Variants in DNAH1 observed in about 807,000 individuals in gnomAD.
The protein encoded by DNAH1 is axonemal beta dynein heavy chain 1.
A neutral mutation model predicts 484.3 loss-of-function variants in DNAH1; 327 were observed. That is an observed-to-expected ratio of 0.68 (90% CI 0.62 to 0.74). The LOEUF is 0.74. Ranked by LOEUF, DNAH1 falls within the 30% of genes least tolerant of loss-of-function variation. The pLI, the probability that DNAH1 is intolerant of heterozygous loss-of-function variation, is 0.00. For missense variants in DNAH1, 5,052 were observed against 5,546.8 expected (o/e 0.91, Z 2.83); for synonymous variants, 2,192 against 2,191.9 (o/e 1.00, Z 0.00).
Position 52,358,828 on chromosome 3 carries a change from G to C in DNAH1, c.4266+91G>C. 1 of 1,511,328 alleles carries C rather than the reference G, an allele frequency of 6.6e-7. No individual in the cohort carries two copies. The highest frequency in any genetic ancestry group is 9.0e-7 in the Non-Finnish European group (1 of 1,114,114). 93.6% of individuals were successfully genotyped at this position (1,511,328 alleles called of 1,614,324 possible). On this transcript the variant is annotated intron_variant, in intron 25 of 77. Transcript: ENST00000420323. The surrounding 1 kb of genome is among the most constrained non-coding windows in gnomAD (Gnocchi z 4.2). ...CCTGCTCTAGCCGGCCTCGTCCTCA[G>C]GCTGCAGCCCTGAGGTCCCTGGGGG...
rs772117741 is a variant in DNAH1 at position 52,394,632 on chromosome 3, G to A, written c.10794G>A (p.Arg3598=). ...SDFVKHLSEF[R]VIFDSLEPHR... is the part of the protein sequence containing the mutation. Reference sequence around the variant, plus strand: ...TCGTGAAGCACCTCTCAGAATTCCGGGTCATCTTCGACAGCCTTGAGCCCC... The same window carrying A: ...TCGTGAAGCACCTCTCAGAATTCCGAGTCATCTTCGACAGCCTTGAGCCCC... Residue 3598 remains arginine (R), a synonymous_variant, in exon 67 of 78, where the codon CGG becomes CGA. Transcript: ENST00000420323. 1 of 1,586,226 alleles carries A rather than the reference G, an allele frequency of 6.3e-7. No individual in the cohort carries two copies. The highest frequency in any genetic ancestry group is 1.2e-5 in the South Asian group (1 of 86,018).
chr3:52,385,066 C>A (rs1323746811), intron 53 of DNAH1, 89 bp downstream of exon 53: 1 of 1,428,480 alleles, frequency 7.0e-7, no homozygotes, highest in Non-Finnish European at 9.4e-7. Flanking sequence ...CACCATGCTC[C>A]GCCTTTCAAA....
At chr3:52,389,029 C>G (rs1704248075) in intron 59 of DNAH1, 92 bp downstream of exon 59, 4 of 1,407,152 alleles carry the variant, frequency 2.8e-6, no homozygotes, top group Non-Finnish European at 3.8e-6. Context: ...AGGCAGCCTG[C>G]AGGTGGCTCT....
rs765500661 is a variant in DNAH1 at position 52,384,820 on chromosome 3, C to G, written c.8357C>G (p.Ser2786Cys). 6 of 1,606,420 alleles carry G rather than the reference C, an allele frequency of 3.7e-6. No individual in the cohort carries two copies. Among genetic ancestry groups the G allele is most frequent in the Non-Finnish European group, 5.1e-6 (6 of 1,176,358 alleles). Residue 2786 changes from serine to cysteine, a missense_variant, in exon 53 of 78, where the codon TCC (serine) becomes TGC (cysteine). Coordinates refer to ENST00000420323, the MANE Select transcript of DNAH1 (RefSeq NM_015512.5). ...QVCVYIHQSV[S>C]KKCIEYLAEL... The stretch of plus-strand genomic sequence containing the variant: ...TGTGTGTACATCCACCAGTCGGTGT[C>G]CAAGAAGTGCATCGAGTACCTGGCA...
At chr3:52,341,830 G>T (rs1016128825) in intron 8 of DNAH1, among the ~76,000 whole-genome samples, 2 of 152,138 alleles carry the variant, frequency 1.3e-5, no homozygotes, top group East Asian at 3.9e-4. Flanking sequence ...GGAGGGAGTG[G>T]ATGTCAGGCC....
Position 52,378,766 on chromosome 3 carries a change from C to T in DNAH1, c.7363C>T (p.Pro2455Ser). The T allele has an allele frequency of 6.2e-7, 1 of 1,613,668 alleles. No homozygotes were observed. Among genetic ancestry groups the T allele is most frequent in the Non-Finnish European group, 8.5e-7 (1 of 1,179,878 alleles). ...CTTCCAAGGCATGCTCATGGCTGAC[C>T]CGGCCAAGGTCGAGGTGAGGACCAG... ...KVFQGMLMAD[P>S]AKVEDQVQLL... Residue 2455 changes from proline to serine, a missense_variant, in exon 47 of 78, where the codon CCG (proline) becomes TCG (serine). Around this residue, in one of 4 missense-constraint regions of DNAH1, gnomAD observed 2,929 missense variants for 3,409.4 expected, o/e 0.86. Transcript: ENST00000420323.
intron 46 of DNAH1, 125 bp downstream of exon 46, chr3:52,376,118 GGGCCA>G: frequency 8.3e-7 from 1 of 1,202,050 alleles, no homozygotes; most frequent in Non-Finnish European, 1.2e-6. Context: ...CAGGGACCTT[GGGCCA>G]CTAGGGTGCC....
rs542671468 is a variant in DNAH1, at chr3:52,348,063, T to C, written c.2106+89T>C. 24 of 1,365,028 alleles carry C rather than the reference T, an allele frequency of 1.8e-5. No homozygotes were observed. The East Asian group carries it at 4.3e-4, about 24-fold the overall frequency. The allele number at this position is 1,365,028 out of a possible 1,614,324, so 84.6% of individuals were successfully genotyped here. Reference sequence around the variant, plus strand: ...GCTCAGGGTGCTGCCACAGTTCAACTGTATCACAGGCCTCCTGTCGGGCAG... The same window carrying C: ...GCTCAGGGTGCTGCCACAGTTCAACCGTATCACAGGCCTCCTGTCGGGCAG... On this transcript the variant is annotated intron_variant, in intron 12 of 77. Transcript: ENST00000420323.
intron 8 of DNAH1, among the ~76,000 whole-genome samples, chr3:52,336,190 C>A (rs1029815657): frequency 2.0e-5 from 3 of 152,240 alleles, no homozygotes; most frequent in African/African-American, 7.2e-5. Context: ...TTCCCAAGGC[C>A]AACATCCAGA....
intron 59 of DNAH1, among the ~76,000 whole-genome samples, chr3:52,389,222 C>A (rs980226049): frequency 1.3e-5 from 2 of 152,252 alleles, no homozygotes; most frequent in African/African-American, 4.8e-5. Context: ...CACCTGTGTC[C>A]CATTTAATCC....
intron 73 of DNAH1, among the ~76,000 whole-genome samples, 188 bp downstream of exon 73, chr3:52,397,232 G>A (rs1704677795): frequency 1.3e-5 from 2 of 152,098 alleles, no homozygotes. Context: ...GCCCACTGGG[G>A]CTTGCCTCTG....
At chr3:52,391,765 C>G (rs921547336) in intron 63 of DNAH1, among the ~76,000 whole-genome samples, 162 bp downstream of exon 63, 1 of 152,200 alleles carries the variant, frequency 6.6e-6, no homozygotes, top group Non-Finnish European at 1.5e-5. Flanking sequence ...TCTAGCACTT[C>G]CACCAGCTCC....
chr3:52,353,351 C>A lies in DNAH1; in HGVS notation c.3227-29C>A. On this transcript the variant is annotated intron_variant, in intron 19 of 77. Coordinates refer to ENST00000420323, the MANE Select transcript of DNAH1 (RefSeq NM_015512.5). The surrounding 1 kb of genome is among the most constrained non-coding windows in gnomAD (Gnocchi z 5.0). ...CCTCCTCCCTGCCTCTGCCGCCTGC[C>A]TCTCATGCGTTTCTGTCTTACCCGG... is the stretch of plus-strand genomic sequence containing the variant. 6.2e-7 allele frequency: 1 copy of A among 1,608,478 alleles called. No individual in the cohort carries two copies. Among genetic ancestry groups the A allele is most frequent in the Non-Finnish European group, 8.5e-7 (1 of 1,175,904 alleles).
chr3:52,323,069 T>C (rs1701208607), intron 2 of DNAH1, among the ~76,000 whole-genome samples: 1 of 152,142 alleles, frequency 6.6e-6, no homozygotes, highest in African/African-American at 2.4e-5. Context: ...GACGCCCACG[T>C]CCCTATTGTC....
At chr3:52,329,560 G>A (rs566207073) in intron 6 of DNAH1, among the ~76,000 whole-genome samples, 1 of 152,218 alleles carries the variant, frequency 6.6e-6, no homozygotes, top group African/African-American at 2.4e-5. Flanking sequence ...AGGCGTGGTG[G>A]CTCATGCCTG....
intron 41 of DNAH1, 32 bp from the exon 42 acceptor site, chr3:52,371,914 C>T (rs1215526898): frequency 1.9e-6 from 3 of 1,608,506 alleles, no homozygotes; most frequent in Non-Finnish European, 2.5e-6. Context: ...GGAGGGGTTC[C>T]AGGCCCACTG....
At chr3:52,372,737 T>A (rs1559544163) in intron 43 of DNAH1, among the ~76,000 whole-genome samples, 159 bp from the exon 44 acceptor site, 3 of 152,322 alleles carry the variant, frequency 2.0e-5, no homozygotes, top group South Asian at 4.1e-4. Context: ...CCCAGGACAC[T>A]CAGAACAAGG....
Position 52,385,391 on chromosome 3 carries a change from C to T in DNAH1, c.8569C>T (p.His2857Tyr). The T allele has an allele frequency of 6.4e-7, 1 of 1,553,070 alleles. No individual in the cohort carries two copies. Among genetic ancestry groups the T allele is most frequent in the Non-Finnish European group, 8.7e-7 (1 of 1,147,746 alleles). ...AKMQEDLESM[H>Y]PLLEEAAKDT... Reference sequence around the variant, plus strand: ...GATGCAGGAGGACCTGGAGAGTATGCACCCCCTGCTGGAGGAGGCTGCCAA... The same window carrying T: ...GATGCAGGAGGACCTGGAGAGTATGTACCCCCTGCTGGAGGAGGCTGCCAA... Residue 2857 changes from histidine to tyrosine, a missense_variant, in exon 54 of 78, where the codon CAC (histidine) becomes TAC (tyrosine). Physicochemically the swap from His to Tyr is moderately conservative, Grantham distance 83. Around this residue, in one of 4 missense-constraint regions of DNAH1, gnomAD observed 2,929 missense variants for 3,409.4 expected, o/e 0.86. Transcript: ENST00000420323.
rs574569469 is a variant in DNAH1 at position 52,324,503 on chromosome 3, C to T, written c.406+623C>T. On this transcript the variant is annotated intron_variant, in intron 3 of 77. Coordinates refer to ENST00000420323, the MANE Select transcript of DNAH1 (RefSeq NM_015512.5). ...ACCTGGCCAGGGTTTGTGCCTCTCCCCTGGCAGACAGGACGTCCCCTTGGA... is the reference window on the plus strand; with the variant it reads ...ACCTGGCCAGGGTTTGTGCCTCTCCTCTGGCAGACAGGACGTCCCCTTGGA... Among the ~76,000 whole-genome samples the T allele has an allele frequency of 1.1e-3, 162 of 152,200 alleles. 1 individual carries two copies. Among genetic ancestry groups the T allele is most frequent in the African/African-American group, 3.8e-3 (158 of 41,526 alleles).
Sources: allele counts gnomAD v4.1 joint callset (sites outside exome capture counted in the v4.1 genomes callset), GRCh38; gene constraint gnomAD v4.1.1; regional missense constraint gnomAD v4.1.1; non-coding constraint Gnocchi (gnomAD v3.1); transcripts MANE v1.5; gene names NCBI Gene and HGNC (gene_info 2026-07-23, HGNC 2026-07-21).